The following NFIA variants were observed in gnomAD, a reference collection of about 807,000 sequenced individuals.
NFIA encodes the protein nuclear factor I A.
A neutral mutation model predicts 62.8 loss-of-function variants in NFIA; 8 were observed. The observed-to-expected ratio is 0.13, with a 90% CI of 0.07 to 0.23. The LOEUF is 0.23. NFIA is among the 10% of genes least tolerant of loss of function. The pLI is 1.00. For synonymous variants in NFIA, 235 were observed against 238.1 expected (o/e 0.99, Z 0.12); for missense variants, 410 against 642.1 (o/e 0.64, Z 3.91).
chr1:61,350,605 G>A (rs1449263720), intron 4 of NFIA, among the ~76,000 whole-genome samples: 1 of 152,002 alleles, frequency 6.6e-6, no homozygotes, highest in Non-Finnish European at 1.5e-5. Flanking sequence ...CTCTGCATCT[G>A]CACTTAGCCT....
Position 61,323,247 on chromosome 1 carries a change from T to C in NFIA, c.626-9265T>C, listed in dbSNP as rs181155389. ...ACAAATGCATTTAAAGCAATCCATG[T>C]ATTCATCTGAGAATCTCAAAACACC... On this transcript the variant is annotated intron_variant, in intron 3 of 10. Coordinates refer to ENST00000403491, the MANE Select transcript of NFIA (RefSeq NM_001134673.4). Among the ~76,000 whole-genome samples, 15 of 152,348 alleles carry C rather than the reference T, an allele frequency of 9.8e-5. No individual in the cohort carries two copies. The East Asian group carries it at 2.5e-3, about 25-fold the overall frequency.
chr1:61,235,820 AAAAAAAG>A (rs2100638695), intron 2 of NFIA, among the ~76,000 whole-genome samples: 1 of 152,012 alleles, frequency 6.6e-6, no homozygotes, highest in South Asian at 2.1e-4. Context: ...CTCAAAAAAA[AAAAAAAG>A]AAAAAGAAAA....
rs1652422337 is a variant in NFIA, at chr1:61,200,714, A to G, written c.560-76806A>G. On this transcript the variant is annotated intron_variant, in intron 2 of 10. Transcript: ENST00000403491. ...TTCAGTCCAGTGAATTATCACAACC[A>G]CATAATTAAATGTGTATTCATCCCC... 3.3e-5 allele frequency among the ~76,000 whole-genome samples: 5 copies of G among 152,232 alleles called. No homozygotes were observed. In the South Asian group the frequency reaches 1.0e-3, roughly 32 times the overall value.
At chr1:61,325,638 G>A (rs975445733) in intron 3 of NFIA, among the ~76,000 whole-genome samples, 1 of 152,188 alleles carries the variant, frequency 6.6e-6, no homozygotes, top group African/African-American at 2.4e-5. Context: ...GCCAAAGAAG[G>A]CTAGGCGTGG....
chr1:61,458,682 G>GT lies in NFIA; in HGVS notation c.*3365dup, dbSNP rs1354495350. On this transcript the variant is annotated 3_prime_UTR_variant, in exon 11 of 11. Transcript: ENST00000403491. ...CTGGATTTAAGTTTAAAACTTTCCT[G>GT]TTTCCTTTTTTTTTTTTTTTTTGTA... 4.1e-5 allele frequency: 5 copies of GT among 120,956 alleles called. No homozygotes were observed. Among genetic ancestry groups the GT allele is most frequent in the Admixed American group, 3.9e-4 (5 of 12,848 alleles). The allele number at this position is 120,956 out of a possible 1,614,324, so 7.5% of individuals were successfully genotyped here.
At chr1:61,257,405 T>G (rs2100229112) in intron 2 of NFIA, among the ~76,000 whole-genome samples, 1 of 148,402 alleles carries the variant, frequency 6.7e-6, no homozygotes, top group South Asian at 2.2e-4. Flanking sequence ...TGGCATGATC[T>G]TGGCTCATTG....
chr1:61,414,224 C>T (rs573853860), intron 9 of NFIA, among the ~76,000 whole-genome samples: 27 of 152,284 alleles, frequency 1.8e-4, no homozygotes, highest in African/African-American at 6.5e-4. Context: ...CTCAAGCGGT[C>T]CACCTGCCTC....
At chr1:61,416,662 AAAG>A (rs943223931) in intron 9 of NFIA, among the ~76,000 whole-genome samples, 4 of 152,182 alleles carry the variant, frequency 2.6e-5, no homozygotes, top group Non-Finnish European at 5.9e-5. Context: ...TTTTAAATGA[AAAG>A]AAAAAGAATT....
At chr1:61,285,435 A>G (rs1001832106) in intron 3 of NFIA, among the ~76,000 whole-genome samples, 14 of 152,238 alleles carry the variant, frequency 9.2e-5, no homozygotes, top group African/African-American at 2.7e-4. Context: ...GGATAATATT[A>G]GTAAACTGAA....
intron 10 of NFIA, among the ~76,000 whole-genome samples, chr1:61,448,792 C>T (rs1420147802): frequency 6.6e-6 from 1 of 151,814 alleles, no homozygotes; most frequent in African/African-American, 2.4e-5. Context: ...TAAAAGGTTA[C>T]GTGATGAAAA....
At chr1:61,214,704 A>G (rs973811415) in intron 2 of NFIA, among the ~76,000 whole-genome samples, 8 of 152,136 alleles carry the variant, frequency 5.3e-5, no homozygotes, top group African/African-American at 7.2e-5. Flanking sequence ...TCACCTCTAT[A>G]ATATATAGTA....
In NFIA at chr1:61,306,269, CTTTTT is replaced by C. The variant is rs774297484; in HGVS notation, c.626-26222_626-26218del. ...TCATCCTGGAGACCCAGATTTTGTT[CTTTTT>C]TTTTTTTTTTTTTTTTTTTTAAGAC... is the stretch of plus-strand genomic sequence containing the variant. On this transcript the variant is annotated intron_variant, in intron 3 of 10. Coordinates refer to ENST00000403491, the MANE Select transcript of NFIA (RefSeq NM_001134673.4). 8.7e-4 allele frequency among the ~76,000 whole-genome samples: 53 copies of C among 60,622 alleles called. 1 individual carries two copies. The South Asian group carries it at 0.016, about 19-fold the overall frequency. 39.8% of individuals were successfully genotyped at this position (60,622 alleles called of 152,430 possible).
chr1:61,452,062 G>T (rs77078810), intron 10 of NFIA, among the ~76,000 whole-genome samples: 1,640 of 152,186 alleles, frequency 0.011, 8 homozygotes, highest in Middle Eastern at 0.034. Context: ...TTGCATAATA[G>T]AAATTATAAG....
chr1:61,088,673 T>C lies in NFIA; in HGVS notation c.552T>C (p.His184=). ...ATTTATATTTGGCATACTTTGTGCA[T>C]GCAGCAGGTAAGTGCGATGGTGAGA... ...ELDLYLAYFV[H]AADSSQSESP... is the part of the protein sequence containing the mutation. Residue 184 remains histidine, a synonymous_variant, in exon 2 of 11, where the codon CAT becomes CAC. Coordinates refer to ENST00000403491, the MANE Select transcript of NFIA (RefSeq NM_001134673.4). This position sits in a 1 kb window ranked among gnomAD's most constrained non-coding sequence, Gnocchi z 4.5. 1 of 1,612,394 alleles carries C rather than the reference T, an allele frequency of 6.2e-7. No individual in the cohort carries two copies.
At chr1:61,208,658 T>A (rs116252707) in intron 2 of NFIA, among the ~76,000 whole-genome samples, 1 of 152,212 alleles carries the variant, frequency 6.6e-6, no homozygotes, top group East Asian at 1.9e-4. Flanking sequence ...AGGATTGTTA[T>A]AAGGGTTAAA....
chr1:61,104,930 T>C (rs1338648989), intron 2 of NFIA, among the ~76,000 whole-genome samples: 1 of 151,960 alleles, frequency 6.6e-6, no homozygotes, highest in African/African-American at 2.4e-5. Flanking sequence ...ACCAAAAATA[T>C]TGCAGTGGGG....
chr1:61,393,335 C>G (rs1242925184), intron 7 of NFIA, among the ~76,000 whole-genome samples: 1 of 62,028 alleles, frequency 1.6e-5, no homozygotes, highest in Non-Finnish European at 2.7e-5. Context: ...CTCCCCAACC[C>G]CACCCGCACC....
At chr1:61,260,256 A>C (rs1464523074) in intron 2 of NFIA, among the ~76,000 whole-genome samples, 1 of 152,164 alleles carries the variant, frequency 6.6e-6, no homozygotes, top group Non-Finnish European at 1.5e-5. Flanking sequence ...ATTTGTACCC[A>C]TTTGTTTTGT....
intron 3 of NFIA, among the ~76,000 whole-genome samples, chr1:61,321,207 G>T (rs990408624): frequency 6.6e-6 from 1 of 152,044 alleles, no homozygotes; most frequent in African/African-American, 2.4e-5. Flanking sequence ...AAAATTCTCT[G>T]TTTTTTAAAA....
Sources: gnomAD v4.1 joint callset for allele counts (sites outside exome capture counted in the v4.1 genomes callset) on GRCh38, gnomAD v4.1.1 for gene constraint, Gnocchi (gnomAD v3.1) non-coding constraint, MANE v1.5 for transcripts, NCBI Gene and HGNC (gene_info 2026-07-23, HGNC 2026-07-21) for gene names.